Variants in VEGFC observed in about 807,000 individuals in gnomAD.
VEGFC encodes vascular endothelial growth factor C, also known as FLT4 ligand DHM.
Under a neutral mutation model 46.1 loss-of-function variants are expected in VEGFC, and 12 were observed. The observed-to-expected ratio is 0.26, with a 90% CI of 0.17 to 0.42. VEGFC has a LOEUF of 0.42. Ranked by LOEUF, VEGFC falls within the 10% of genes least tolerant of loss-of-function variation. VEGFC has a pLI of 1.00. For missense variants in VEGFC, 488 were observed against 529.4 expected (o/e 0.92, Z 0.77); for synonymous variants, 232 against 195.5 (o/e 1.19, Z -1.56).
intron 3 of VEGFC, among the ~76,000 whole-genome samples, chr4:176,717,666 A>G (rs1734720145): frequency 6.6e-6 from 1 of 152,132 alleles, no homozygotes; most frequent in Non-Finnish European, 1.5e-5. Context: ...TATCCTAAAT[A>G]TAACCAGTTT....
intron 1 of VEGFC, 60 bp from the exon 2 acceptor site, chr4:176,729,806 C>A: frequency 7.2e-7 from 1 of 1,384,768 alleles, no homozygotes; most frequent in Non-Finnish European, 9.7e-7. Context: ...GAAACAAATG[C>A]ACTATAAAAC....
chr4:176,714,107 G>A (rs533174035), intron 3 of VEGFC, among the ~76,000 whole-genome samples: 10 of 152,300 alleles, frequency 6.6e-5, no homozygotes, highest in African/African-American at 2.4e-4. Context: ...ATCTGATATG[G>A]TTTGGATCTG....
intron 4 of VEGFC, among the ~76,000 whole-genome samples, chr4:176,706,625 C>CAAAAAAAAAA (rs55996370): frequency 4.7e-5 from 3 of 63,468 alleles, no homozygotes; most frequent in African/African-American, 2.4e-4. Context: ...GAATCTGTCT[C>CAAAAAAAAAA]AAAAAAAAAA....
intron 4 of VEGFC, among the ~76,000 whole-genome samples, chr4:176,708,844 C>G (rs987946144): frequency 2.0e-5 from 3 of 152,148 alleles, no homozygotes; most frequent in Non-Finnish European, 4.4e-5. Flanking sequence ...CCTTTAATGA[C>G]TACCTTCTGG....
At chr4:176,760,395 A>C (rs368063784) in intron 1 of VEGFC, among the ~76,000 whole-genome samples, 1 of 152,298 alleles carries the variant, frequency 6.6e-6, no homozygotes, top group South Asian at 2.1e-4. Context: ...CCCAAAGAAA[A>C]AAGAATTTCT....
At chr4:176,746,570 C>T (rs1735260790) in intron 1 of VEGFC, among the ~76,000 whole-genome samples, 1 of 152,072 alleles carries the variant, frequency 6.6e-6, no homozygotes, top group Non-Finnish European at 1.5e-5. Flanking sequence ...TTAAAAACCT[C>T]TTCCTCTTCC....
At chr4:176,783,776 C>A (rs927188713) in intron 1 of VEGFC, among the ~76,000 whole-genome samples, 2 of 152,158 alleles carry the variant, frequency 1.3e-5, no homozygotes, top group Non-Finnish European at 2.9e-5. Context: ...TGATTAAACA[C>A]CCTGCATTTC....
intron 1 of VEGFC, among the ~76,000 whole-genome samples, chr4:176,772,843 C>T (rs1403114514): frequency 6.6e-6 from 1 of 152,160 alleles, no homozygotes. Flanking sequence ...AGCCCTGCAA[C>T]CCTGGACTTT....
chr4:176,742,713 T>G (rs1319427636), intron 1 of VEGFC, among the ~76,000 whole-genome samples: 1 of 152,070 alleles, frequency 6.6e-6, no homozygotes, highest in Non-Finnish European at 1.5e-5. Context: ...AAATGGCATA[T>G]CACCATCTTT....
intron 1 of VEGFC, among the ~76,000 whole-genome samples, chr4:176,745,728 G>A (rs1449116614): frequency 6.6e-6 from 1 of 152,132 alleles, no homozygotes; most frequent in Non-Finnish European, 1.5e-5. Context: ...GGAATGATCA[G>A]ATGGGGATGA....
chr4:176,707,745 C>T (rs972336372), intron 4 of VEGFC, among the ~76,000 whole-genome samples: 1 of 151,892 alleles, frequency 6.6e-6, no homozygotes, highest in Non-Finnish European at 1.5e-5. Context: ...CGGAACACAC[C>T]CCAAGTGTTT....
At position 176,727,910 on chromosome 4, in the gene VEGFC, C is replaced by T. The variant is rs1413244194; in HGVS notation, c.420G>A (p.Val140=). The T allele has an allele frequency of 1.2e-6, 2 of 1,613,672 alleles. No individual in the cohort carries two copies. The highest frequency in any genetic ancestry group is 1.1e-5 in the South Asian group (1 of 91,004). ...TTGTCGCGACTCCAAACTCCTTCCC[C>T]ACATCTATACACACCTCCCGTGGCA... is the stretch of plus-strand genomic sequence containing the variant. ...QCMPREVCID[V]GKEFGVATNT... is the part of the protein sequence containing the mutation. The change falls in exon 3 of 7, where the codon GTG becomes GTA. Residue 140 remains valine (V), a synonymous_variant. Coordinates refer to ENST00000618562, the MANE Select transcript of VEGFC (RefSeq NM_005429.5).
In VEGFC at chr4:176,711,500, G is replaced by C. The variant is rs769325515; in HGVS notation, c.703C>G (p.Gln235Glu). 8 of 1,612,028 alleles carry C rather than the reference G, an allele frequency of 5.0e-6. No individual in the cohort carries two copies. In the South Asian group the frequency reaches 8.8e-5, roughly 18 times the overall value. The change falls in exon 4 of 7, where the codon CAG becomes GAG. Residue 235 changes from glutamine to glutamate, a missense_variant and splice_region_variant. By Grantham distance (29) the Gln-to-Glu change is conservative. Transcript: ENST00000618562. ...AAAATAGATTTAATTCATACTCACT[G>C]TGGTAGTGTTGCTGGCAGGGAACGT... Reference protein sequence around the residue: ...IRRSLPATLPQCQAANKTCPT... With the variant: ...IRRSLPATLPECQAANKTCPT...
Position 176,716,584 on chromosome 4 carries a change from G to GAAAAA in VEGFC, c.553-4939_553-4935dup, listed in dbSNP as rs57274087. Reference sequence around the variant, plus strand: ...GCCAACAGAGGTGGACTCCCTCTCCGAAAAAAAAAAAAAAAAAAAAAAGAA... The same window carrying GAAAAA: ...GCCAACAGAGGTGGACTCCCTCTCCGAAAAAAAAAAAAAAAAAAAAAAAAAAAGAA... On this transcript the variant is annotated intron_variant, in intron 3 of 6. Coordinates refer to ENST00000618562, the MANE Select transcript of VEGFC (RefSeq NM_005429.5). Among the ~76,000 whole-genome samples, 21 of 43,748 alleles carry GAAAAA rather than the reference G, an allele frequency of 4.8e-4. 1 individual carries two copies. The highest frequency in any genetic ancestry group is 1.3e-3 in the East Asian group (2 of 1,510). The allele number at this position is 43,748 out of a possible 152,430, so 28.7% of individuals were successfully genotyped here.
chr4:176,790,574 C>G (rs1259288417), intron 1 of VEGFC, among the ~76,000 whole-genome samples: 2 of 152,134 alleles, frequency 1.3e-5, no homozygotes, highest in African/African-American at 4.8e-5. Flanking sequence ...ATTCTAGACT[C>G]ACCCAGCAGT....
At chr4:176,735,880 T>C (rs926429939) in intron 1 of VEGFC, among the ~76,000 whole-genome samples, 2 of 151,944 alleles carry the variant, frequency 1.3e-5, no homozygotes, top group African/African-American at 4.8e-5. Flanking sequence ...TTGTTTCCTG[T>C]AATCTTTCAA....
At chr4:176,760,271 T>TA (rs1735506649) in intron 1 of VEGFC, among the ~76,000 whole-genome samples, 1 of 152,194 alleles carries the variant, frequency 6.6e-6, no homozygotes, top group Non-Finnish European at 1.5e-5. Context: ...ACAAAGATCT[T>TA]AAAGTTCTTC....
intron 6 of VEGFC, among the ~76,000 whole-genome samples, chr4:176,686,919 T>C (rs1030450696): frequency 9.9e-5 from 15 of 152,158 alleles, no homozygotes; most frequent in African/African-American, 2.7e-4. Context: ...TTTAGGTATT[T>C]TGAAAACATC....
intron 4 of VEGFC, among the ~76,000 whole-genome samples, chr4:176,690,834 G>A (rs555840925): frequency 7.9e-5 from 12 of 152,118 alleles, no homozygotes; most frequent in African/African-American, 1.7e-4. Flanking sequence ...TGTTGGCATC[G>A]AGTGGCCATT....
Sources: gnomAD v4.1 joint callset for allele counts (sites outside exome capture counted in the v4.1 genomes callset) on GRCh38, gnomAD v4.1.1 for gene constraint, MANE v1.5 for transcripts, NCBI Gene and HGNC (gene_info 2026-07-23, HGNC 2026-07-21) for gene names.